NOL10: variants seen among roughly 807,000 people sequenced by gnomAD.
The protein encoded by NOL10 is nucleolar protein 10.
In NOL10, 58 loss-of-function variants were observed where a neutral mutation model predicts 103.5. That is an observed-to-expected ratio of 0.56 (90% CI 0.45 to 0.70). The LOEUF (loss-of-function observed/expected upper bound fraction) is 0.70, where lower values mean the gene tolerates loss of function less well. Ranked by LOEUF, NOL10 falls within the 30% of genes least tolerant of loss-of-function variation. NOL10 has a pLI of 0.00. For synonymous variants in NOL10, 287 were observed against 282.5 expected (o/e 1.02, Z -0.16); for missense variants, 763 against 807.3 (o/e 0.95, Z 0.67).
At chr2:10,665,084 T>G (rs1356490594) in intron 8 of NOL10, among the ~76,000 whole-genome samples, 1 of 152,142 alleles carries the variant, frequency 6.6e-6, no homozygotes, top group African/African-American at 2.4e-5. Flanking sequence ...ACTTAGGAGG[T>G]TCTGACCTCA....
chr2:10,605,208 C>A (rs1346922982), intron 14 of NOL10, among the ~76,000 whole-genome samples: 2 of 152,184 alleles, frequency 1.3e-5, no homozygotes, highest in African/African-American at 2.4e-5. Flanking sequence ...ACAATATCAG[C>A]CACTATGCTA....
chr2:10,648,336 T>G (rs559888957), intron 12 of NOL10, among the ~76,000 whole-genome samples: 10 of 151,788 alleles, frequency 6.6e-5, no homozygotes, highest in Non-Finnish European at 1.5e-4. Flanking sequence ...ACACAAAGAG[T>G]TGAACGGGAG....
chr2:10,664,271 A>T lies in NOL10; in HGVS notation c.592-1227T>A, dbSNP rs557006941. ...TGGTGAAACCCCGTCTCTACTAAAA[A>T]TACAAAATTAGCTGGGCATGGTGGC... On this transcript the variant is annotated intron_variant, in intron 8 of 20. Coordinates refer to ENST00000381685, the MANE Select transcript of NOL10 (RefSeq NM_024894.4). Among the ~76,000 whole-genome samples, 14 of 152,288 alleles carry T rather than the reference A, an allele frequency of 9.2e-5. No individual in the cohort carries two copies. In the South Asian group the frequency reaches 2.7e-3, roughly 29 times the overall value.
intron 13 of NOL10, among the ~76,000 whole-genome samples, chr2:10,608,612 A>C (rs1676384452): frequency 6.6e-6 from 1 of 152,230 alleles, no homozygotes; most frequent in Non-Finnish European, 1.5e-5. Flanking sequence ...CTGGAAAAAA[A>C]CCCAGAAATC....
chr2:10,667,171 C>G, intron 8 of NOL10, 47 bp downstream of exon 8: 1 of 1,403,238 alleles, frequency 7.1e-7, no homozygotes, highest in Non-Finnish European at 9.9e-7. Flanking sequence ...AAATTCCAAT[C>G]AAATATAAAA....
At chr2:10,663,897 G>A (rs1680385567) in intron 8 of NOL10, among the ~76,000 whole-genome samples, 1 of 150,630 alleles carries the variant, frequency 6.6e-6, no homozygotes, top group Non-Finnish European at 1.5e-5. Flanking sequence ...CTTGCAGTGA[G>A]CCGAGATCGC....
rs780960969 is a variant in NOL10, at chr2:10,602,856, G to A, written c.1252C>T (p.Pro418Ser). The A allele has an allele frequency of 1.2e-6, 2 of 1,604,034 alleles. No homozygotes were observed. The highest frequency in any genetic ancestry group is 1.7e-6 in the Non-Finnish European group (2 of 1,174,826). Residue 418 changes from proline (P) to serine (S), a missense_variant, in exon 16 of 21, where the codon CCA (proline) becomes TCA (serine). Coordinates refer to ENST00000381685, the MANE Select transcript of NOL10 (RefSeq NM_024894.4). ...TTCCTATATTCTTCATAAGCAAATG[G>A]ATTTACCATCAGTTTCACCTTTTCA... ...LYHKVKLMVNPFAYEEYRKDK... is the reference protein window; with the variant it reads ...LYHKVKLMVNSFAYEEYRKDK...
intron 17 of NOL10, among the ~76,000 whole-genome samples, chr2:10,590,010 C>A (rs1675311878): frequency 6.6e-6 from 1 of 152,128 alleles, no homozygotes. Flanking sequence ...CCAAGAATGA[C>A]CCTTTTGGCT....
At position 10,659,270 on chromosome 2, in the gene NOL10, T is replaced by C. The variant is rs1396253046; in HGVS notation, c.678-20A>G. 4 of 1,390,934 alleles carry C rather than the reference T, an allele frequency of 2.9e-6. No homozygotes were observed. Among genetic ancestry groups the C allele is most frequent in the East Asian group, 3.3e-5 (1 of 30,084 alleles). The allele number at this position is 1,390,934 out of a possible 1,614,324, so 86.2% of individuals were successfully genotyped here. On this transcript the variant is annotated intron_variant, in intron 9 of 20. Transcript: ENST00000381685. ...TTTATCCTGAAAAGCAAAATATTCATGCTTCATGAATATACGGCCAAACCT... is the reference window on the plus strand; with the variant it reads ...TTTATCCTGAAAAGCAAAATATTCACGCTTCATGAATATACGGCCAAACCT...
chr2:10,640,441 G>C (rs928018391), intron 13 of NOL10, among the ~76,000 whole-genome samples: 1 of 152,212 alleles, frequency 6.6e-6, no homozygotes, highest in African/African-American at 2.4e-5. Flanking sequence ...GCTTCGCTTA[G>C]CAAAAGCAAC....
At chr2:10,666,025 C>T (rs1680545818) in intron 8 of NOL10, among the ~76,000 whole-genome samples, 1 of 152,110 alleles carries the variant, frequency 6.6e-6, no homozygotes, top group Non-Finnish European at 1.5e-5. Context: ...GTTTTCAACC[C>T]TTGCCTCCCT....
At chr2:10,612,134 A>C (rs1052610163) in intron 13 of NOL10, among the ~76,000 whole-genome samples, 1 of 152,084 alleles carries the variant, frequency 6.6e-6, no homozygotes, top group Admixed American at 6.5e-5. Context: ...AAGAACAATA[A>C]AAATAAAAAT....
At chr2:10,587,403 T>C (rs896171663) in intron 19 of NOL10, among the ~76,000 whole-genome samples, 2 of 149,252 alleles carry the variant, frequency 1.3e-5, no homozygotes, top group Non-Finnish European at 3.0e-5. Context: ...CCTGAGTAGC[T>C]GGGACTACAG....
At chr2:10,595,493 C>T (rs1675629156) in intron 17 of NOL10, among the ~76,000 whole-genome samples, 1 of 152,108 alleles carries the variant, frequency 6.6e-6, no homozygotes, top group Admixed American at 6.5e-5. Flanking sequence ...GATGCGGTTT[C>T]ACCATGTTGC....
intron 19 of NOL10, among the ~76,000 whole-genome samples, chr2:10,584,451 C>CGCA (rs1674923084): frequency 6.6e-6 from 1 of 152,192 alleles, no homozygotes; most frequent in Non-Finnish European, 1.5e-5. Flanking sequence ...CACCAAGCAA[C>CGCA]GCAGACAGCT....
intron 17 of NOL10, among the ~76,000 whole-genome samples, chr2:10,593,871 T>C (rs1675524304): frequency 6.6e-6 from 1 of 152,198 alleles, no homozygotes; most frequent in East Asian, 1.9e-4. Flanking sequence ...GCCAGGCCTT[T>C]ACCCCCCCAA....
chr2:10,627,249 C>T (rs1176475636), intron 13 of NOL10, among the ~76,000 whole-genome samples: 1 of 152,140 alleles, frequency 6.6e-6, no homozygotes, highest in Non-Finnish European at 1.5e-5. Context: ...ACTTTTTCCC[C>T]ATAAAATTAG....
At chr2:10,632,905 G>C (rs1393440858) in intron 13 of NOL10, among the ~76,000 whole-genome samples, 6 of 152,192 alleles carry the variant, frequency 3.9e-5, no homozygotes, top group Admixed American at 2.0e-4. Flanking sequence ...CTGGGCTCAA[G>C]TGATCCTTCG....
chr2:10,613,123 T>C (rs935346567), intron 13 of NOL10, among the ~76,000 whole-genome samples: 1 of 152,252 alleles, frequency 6.6e-6, no homozygotes, highest in African/African-American at 2.4e-5. Context: ...CCATGAAATG[T>C]AATGAAATAG....
Sources: allele counts gnomAD v4.1 joint callset (sites outside exome capture counted in the v4.1 genomes callset), GRCh38; gene constraint gnomAD v4.1.1; transcripts MANE v1.5; gene names NCBI Gene and HGNC (gene_info 2026-07-23, HGNC 2026-07-21).